The following CENPK variants were observed in gnomAD, a reference collection of about 807,000 sequenced individuals.
The protein encoded by CENPK is centromere protein K, also known as SoxLZ/Sox6-binding protein Solt.
A neutral mutation model predicts 40.9 loss-of-function variants in CENPK; 46 were observed. The ratio of observed to expected loss-of-function variants is 1.13; its 90% confidence interval spans 0.89 to 1.44. The LOEUF (loss-of-function observed/expected upper bound fraction) is 1.44. Among genes scored for constraint, CENPK ranks in the 40% most tolerant of loss-of-function variants. CENPK has a pLI of 0.00. For missense variants in CENPK, 288 were observed against 303.5 expected (o/e 0.95, Z 0.38); for synonymous variants, 107 against 104.4 (o/e 1.02, Z -0.15).
At chr5:65,503,110 A>ATTTTT in the CENPK span, among the ~76,000 whole-genome samples, 3 of 126,858 alleles carry the variant, frequency 2.4e-5, no homozygotes, top group Non-Finnish European at 4.9e-5. Context: ...CCAATGTAAT[A>ATTTTT]TTTTTTTTTT....
chr5:65,543,236 G>A (rs1445773309), intron 5 of CENPK, among the ~76,000 whole-genome samples: 1 of 152,122 alleles, frequency 6.6e-6, no homozygotes, highest in Non-Finnish European at 1.5e-5. Context: ...AACTTTTTAC[G>A]AAATGTGTGC....
the CENPK span, among the ~76,000 whole-genome samples, chr5:65,504,957 T>C: frequency 6.6e-6 from 1 of 152,140 alleles, no homozygotes; most frequent in Admixed American, 6.6e-5. Context: ...TATTTAAAGA[T>C]GGTCACTCAC....
chr5:65,521,760 C>A (rs1362492668), intron 9 of CENPK, among the ~76,000 whole-genome samples: 1 of 152,148 alleles, frequency 6.6e-6, no homozygotes, highest in Non-Finnish European at 1.5e-5. Context: ...ACCACCATGC[C>A]TGGCTAATTT....
intron 2 of CENPK, among the ~76,000 whole-genome samples, chr5:65,555,736 T>C (rs1735520960): frequency 6.6e-6 from 1 of 152,188 alleles, no homozygotes; most frequent in South Asian, 2.1e-4. Context: ...GTATATGGAC[T>C]GTCAGAGAGA....
At chr5:65,537,406 G>A (rs1747119270) in intron 6 of CENPK, among the ~76,000 whole-genome samples, 3 of 152,218 alleles carry the variant, frequency 2.0e-5, no homozygotes, top group East Asian at 1.9e-4. Flanking sequence ...CCGGGTTCAC[G>A]CCATTCTCCT....
the CENPK span, among the ~76,000 whole-genome samples, chr5:65,504,155 A>AT: frequency 4.0e-5 from 6 of 151,664 alleles, no homozygotes; most frequent in Admixed American, 2.0e-4. Flanking sequence ...TGTCTTATAT[A>AT]TTTTTTTAAA....
chr5:65,539,490 C>T lies in CENPK; in HGVS notation c.288+3312G>A, dbSNP rs552357454. Among the ~76,000 whole-genome samples the T allele has an allele frequency of 3.3e-4, 50 of 152,332 alleles. No individual in the cohort carries two copies. In the South Asian group the frequency reaches 0.01, roughly 32 times the overall value. ...AGAAGGGGTAACATGTCCCAATTAA[C>T]TCCCAACACAATAGGGTAAACATTA... is the stretch of plus-strand genomic sequence containing the variant. On this transcript the variant is annotated intron_variant, in intron 6 of 10. Transcript: ENST00000396679.
chr5:65,503,717 G>A, the CENPK span, among the ~76,000 whole-genome samples: 1 of 150,778 alleles, frequency 6.6e-6, no homozygotes. Flanking sequence ...GAGTGCAGTG[G>A]CTTGATCTCA....
chr5:65,513,203 A>T (rs1742639804), downstream of CENPK, among the ~76,000 whole-genome samples: 2 of 152,148 alleles, frequency 1.3e-5, no homozygotes, highest in African/African-American at 4.8e-5. Flanking sequence ...TTCATGAATC[A>T]TGCTTTTGGT....
chr5:65,521,578 T>G (rs1288681750), intron 9 of CENPK, 50 bp from the exon 10 acceptor site: 1 of 1,203,604 alleles, frequency 8.3e-7, no homozygotes, highest in Admixed American at 1.9e-5. Flanking sequence ...CTTCTGCCAA[T>G]GGTGAAATAT....
intron 6 of CENPK, among the ~76,000 whole-genome samples, chr5:65,538,484 T>C (rs543276286): frequency 6.6e-6 from 1 of 152,348 alleles, no homozygotes; most frequent in Non-Finnish European, 1.5e-5. Context: ...CTTTTTTGAT[T>C]AGCAATTTCT....
At chr5:65,499,012 T>C in the CENPK span, among the ~76,000 whole-genome samples, 1 of 151,784 alleles carries the variant, frequency 6.6e-6, no homozygotes, top group East Asian at 1.9e-4. Context: ...GATGATTTCC[T>C]TTATGTTTCA....
At chr5:65,519,178 A>C (rs895920614) in intron 10 of CENPK, among the ~76,000 whole-genome samples, 4 of 152,158 alleles carry the variant, frequency 2.6e-5, no homozygotes, top group Non-Finnish European at 5.9e-5. Context: ...TATTTGTATT[A>C]AATTATATAG....
chr5:65,501,166 C>CTAAGT, the CENPK span, among the ~76,000 whole-genome samples: 7 of 139,698 alleles, frequency 5.0e-5, no homozygotes, highest in African/African-American at 1.8e-4. Flanking sequence ...TTTGCAATTG[C>CTAAGT]TAAGTTTGTT....
At chr5:65,506,048 C>T in the CENPK span, among the ~76,000 whole-genome samples, 28 of 152,174 alleles carry the variant, frequency 1.8e-4, no homozygotes, top group African/African-American at 6.7e-4. Context: ...AATTTCATAA[C>T]CTAATTTTGG....
chr5:65,542,756 A>T, intron 6 of CENPK, 46 bp downstream of exon 6: 4 of 1,396,886 alleles, frequency 2.9e-6, no homozygotes, highest in Non-Finnish European at 4.0e-6. Flanking sequence ...AAATAGATCT[A>T]GTTAGAAATT....
chr5:65,560,872 A>T (rs1462260920), intron 2 of CENPK: 1 of 152,182 alleles, frequency 6.6e-6, no homozygotes, highest in Non-Finnish European at 1.5e-5. Context: ...ATGTCTGCAT[A>T]AGTCTATACA....
intron 6 of CENPK, among the ~76,000 whole-genome samples, chr5:65,531,777 C>G (rs1335796102): frequency 6.6e-6 from 1 of 152,138 alleles, no homozygotes; most frequent in Non-Finnish European, 1.5e-5. Flanking sequence ...GCTGGGATTA[C>G]AGGCGTGAGC....
downstream of CENPK, among the ~76,000 whole-genome samples, chr5:65,517,416 G>A (rs1468329074): frequency 1.3e-5 from 2 of 152,018 alleles, no homozygotes; most frequent in Non-Finnish European, 2.9e-5. Flanking sequence ...ATATCCAACT[G>A]CAGTATTCTA....
Sources: gnomAD v4.1 joint callset for allele counts (sites outside exome capture counted in the v4.1 genomes callset) on GRCh38, gnomAD v4.1.1 for gene constraint, MANE v1.5 for transcripts, NCBI Gene and HGNC (gene_info 2026-07-23, HGNC 2026-07-21) for gene names.